RPS6KA5: variants seen among roughly 807,000 people sequenced by gnomAD.
RPS6KA5 encodes ribosomal protein S6 kinase A5.
In RPS6KA5, 27 loss-of-function variants were observed where a neutral mutation model predicts 85.5. The ratio of observed to expected loss-of-function variants is 0.32; its 90% CI spans 0.23 to 0.44. The LOEUF (loss-of-function observed/expected upper bound fraction) is 0.44. RPS6KA5 is among the 20% of genes least tolerant of loss of function. RPS6KA5 has a pLI of 1.00. For synonymous variants in RPS6KA5, 334 were observed against 348.2 expected (o/e 0.96, Z 0.46); for missense variants, 811 against 980.9 (o/e 0.83, Z 2.31).
At chr14:90,983,787 T>TTCTTTC (rs1376090596) in intron 2 of RPS6KA5, among the ~76,000 whole-genome samples, 21 of 129,332 alleles carry the variant, frequency 1.6e-4, no homozygotes, top group African/African-American at 4.8e-4. Context: ...CTTTCTTTCT[T>TTCTTTC]TCTCTCTCTC....
chr14:90,878,631 G>A (rs984801764), intron 14 of RPS6KA5, among the ~76,000 whole-genome samples: 3 of 152,172 alleles, frequency 2.0e-5, no homozygotes, highest in African/African-American at 4.8e-5. Context: ...CCGCAGAAGT[G>A]GAATGATGTA....
intron 7 of RPS6KA5, among the ~76,000 whole-genome samples, chr14:90,914,693 G>C (rs779354740): frequency 1.3e-5 from 2 of 152,114 alleles, no homozygotes; most frequent in African/African-American, 2.4e-5. Flanking sequence ...AACAAAGTAT[G>C]ATTCACCCCA....
chr14:90,870,225 T>C lies in RPS6KA5; in HGVS notation c.*1849A>G, dbSNP rs962014331. 1 of 152,212 alleles carries C rather than the reference T, an allele frequency of 6.6e-6. No homozygotes were observed. Among genetic ancestry groups the C allele is most frequent in the African/African-American group, 2.4e-5 (1 of 41,450 alleles). 9.4% of individuals were successfully genotyped at this position (152,212 alleles called of 1,614,324 possible). On this transcript the variant is annotated 3_prime_UTR_variant, in exon 17 of 17. Coordinates refer to ENST00000614987, the MANE Select transcript of RPS6KA5 (RefSeq NM_004755.4). ...AATATGTCCAATATAATTATAAATA[T>C]GGTCATTTTCTTGATTACTAGAGAT...
At chr14:90,883,671 T>C (rs76717533) in intron 14 of RPS6KA5, among the ~76,000 whole-genome samples, 5,896 of 152,314 alleles carry the variant, frequency 0.039, 167 homozygotes, top group Non-Finnish European at 0.054. Flanking sequence ...GAGTGGGCCA[T>C]ACTTTCTTGT....
chr14:90,968,506 G>A (rs1595363634), intron 3 of RPS6KA5, among the ~76,000 whole-genome samples: 1 of 152,148 alleles, frequency 6.6e-6, no homozygotes, highest in East Asian at 1.9e-4. Flanking sequence ...ACATTATTCA[G>A]TCTACCACAG....
rs182571268 is a variant in RPS6KA5, at chr14:90,851,200, G to A, written c.*20874C>T. The A allele has an allele frequency of 6.3e-3, 962 of 152,240 alleles. 21 individuals carry two copies. Among genetic ancestry groups the A allele is most frequent in the Non-Finnish European group, 3.8e-3 (260 of 68,062 alleles). The allele number at this position is 152,240 out of a possible 1,614,324, so 9.4% of individuals were successfully genotyped here. ...CTACAGGCGCTCATCACCATGCCTG[G>A]CTAATTTTTTTGTACTTTTAGTAGA... On this transcript the variant is annotated 3_prime_UTR_variant, in exon 17 of 17. Transcript: ENST00000614987.
chr14:90,893,381 C>T (rs1340315375), intron 13 of RPS6KA5, among the ~76,000 whole-genome samples: 1 of 152,124 alleles, frequency 6.6e-6, no homozygotes, highest in African/African-American at 2.4e-5. Context: ...ATAGAAAATA[C>T]ATAGAAGTCT....
At chr14:91,024,226 AATTGTC>A (rs1481946414) in intron 1 of RPS6KA5, among the ~76,000 whole-genome samples, 2 of 151,952 alleles carry the variant, frequency 1.3e-5, no homozygotes, top group Non-Finnish European at 2.9e-5. Flanking sequence ...TCCCAGAATC[AATTGTC>A]ATTGTCATTT....
intron 2 of RPS6KA5, among the ~76,000 whole-genome samples, chr14:90,982,187 T>C (rs2039817835): frequency 6.6e-6 from 1 of 152,216 alleles, no homozygotes; most frequent in Non-Finnish European, 1.5e-5. Flanking sequence ...AACTCCTGCC[T>C]TTCATTCACT....
intron 5 of RPS6KA5, among the ~76,000 whole-genome samples, chr14:90,936,090 T>C (rs1372081831): frequency 6.6e-6 from 1 of 152,238 alleles, no homozygotes; most frequent in Non-Finnish European, 1.5e-5. Flanking sequence ...GGAAGATATA[T>C]ATTAGCCTGA....
chr14:91,042,018 A>G (rs2042626604), intron 1 of RPS6KA5, among the ~76,000 whole-genome samples: 1 of 152,222 alleles, frequency 6.6e-6, no homozygotes, highest in Non-Finnish European at 1.5e-5. Flanking sequence ...CAAAAAGGAG[A>G]AAGAGAACAT....
intron 3 of RPS6KA5, among the ~76,000 whole-genome samples, chr14:90,951,639 C>T (rs1032313522): frequency 2.6e-5 from 4 of 152,116 alleles, no homozygotes; most frequent in African/African-American, 9.7e-5. Context: ...AAGGGCTATT[C>T]AAAAAACAAT....
chr14:90,871,897 A>G lies in RPS6KA5; in HGVS notation c.*177T>C. The G allele has an allele frequency of 1.4e-6, 1 of 729,976 alleles. No homozygotes were observed. Among genetic ancestry groups the G allele is most frequent in the Non-Finnish European group, 2.2e-6 (1 of 449,050 alleles). The allele number at this position is 729,976 out of a possible 1,614,324, so 45.2% of individuals were successfully genotyped here. ...TAATATGTGCTCTATTCACAGTAACATTCTCTGTCCAGTGCTTTTGAATGA... is the reference window on the plus strand; with the variant it reads ...TAATATGTGCTCTATTCACAGTAACGTTCTCTGTCCAGTGCTTTTGAATGA... On this transcript the variant is annotated 3_prime_UTR_variant, in exon 17 of 17. Transcript: ENST00000614987.
At chr14:91,034,566 G>A (rs893721319) in intron 1 of RPS6KA5, among the ~76,000 whole-genome samples, 16 of 152,110 alleles carry the variant, frequency 1.1e-4, no homozygotes, top group African/African-American at 3.6e-4. Flanking sequence ...CTGTAAAATG[G>A]ACCAATCGGT....
At position 90,868,023 on chromosome 14, in the gene RPS6KA5, G is replaced by A. The variant is rs1001857192; in HGVS notation, c.*4051C>T. ...AAGTGAGGCTAATCAAATGTTCTTA[G>A]CAAGATGTTGCCCCCCTGAAAATAT... On this transcript the variant is annotated 3_prime_UTR_variant, in exon 17 of 17. Coordinates refer to ENST00000614987, the MANE Select transcript of RPS6KA5 (RefSeq NM_004755.4). 1.3e-5 allele frequency: 2 copies of A among 152,162 alleles called. No individual in the cohort carries two copies. Among genetic ancestry groups the A allele is most frequent in the African/African-American group, 4.8e-5 (2 of 41,446 alleles). 9.4% of individuals were successfully genotyped at this position (152,162 alleles called of 1,614,324 possible).
Position 90,868,277 on chromosome 14 carries a change from CT to C in RPS6KA5, c.*3796del, listed in dbSNP as rs2032890219. On this transcript the variant is annotated 3_prime_UTR_variant, in exon 17 of 17. Transcript: ENST00000614987. ...AGTTTTACAATGTCTCCTATCCAAA[CT>C]TCAAATTTCATTAGAGCCGGCTACA... 1.3e-5 allele frequency: 2 copies of C among 152,018 alleles called. No individual in the cohort carries two copies. Among genetic ancestry groups the C allele is most frequent in the Admixed American group, 6.6e-5 (1 of 15,264 alleles). The allele number at this position is 152,018 out of a possible 1,614,324, so 9.4% of individuals were successfully genotyped here. A position where few individuals can be genotyped will look rare whatever the true frequency, so the allele number is the denominator to read the frequency against.
At chr14:90,992,115 G>C (rs1463748225) in intron 2 of RPS6KA5, among the ~76,000 whole-genome samples, 1 of 151,994 alleles carries the variant, frequency 6.6e-6, no homozygotes, top group African/African-American at 2.4e-5. Flanking sequence ...TCTTAAAAAG[G>C]TAATGAAACT....
intron 3 of RPS6KA5, among the ~76,000 whole-genome samples, chr14:90,973,306 G>A (rs11627359): frequency 0.17 from 25,566 of 151,996 alleles, 2,441 homozygotes; most frequent in East Asian, 0.32. Context: ...AGCCAGGTGT[G>A]GTGGCATGCA....
At chr14:91,025,365 T>C (rs2041952355) in intron 1 of RPS6KA5, among the ~76,000 whole-genome samples, 1 of 152,162 alleles carries the variant, frequency 6.6e-6, no homozygotes, top group African/African-American at 2.4e-5. Context: ...ATTGAGTCTC[T>C]TAAGTTTCCC....
Sources: allele counts gnomAD v4.1 joint callset (sites outside exome capture counted in the v4.1 genomes callset), GRCh38; gene constraint gnomAD v4.1.1; transcripts MANE v1.5; gene names NCBI Gene and HGNC (gene_info 2026-07-23, HGNC 2026-07-21).